CYP7B1: variants seen among roughly 807,000 people sequenced by gnomAD.
CYP7B1 encodes cytochrome P450 family 7 subfamily B member 1.
In CYP7B1, 29 loss-of-function variants were observed where a neutral mutation model predicts 42.7. The observed-to-expected ratio is 0.68, with a 90% CI of 0.51 to 0.93. CYP7B1 has a LOEUF of 0.93. CYP7B1 is among the 40% of genes least tolerant of loss of function. The pLI, the probability that CYP7B1 is intolerant of heterozygous loss-of-function variation, is 0.00. For synonymous variants in CYP7B1, 235 were observed against 218.2 expected (o/e 1.08, Z -0.68); for missense variants, 655 against 600.5 (o/e 1.09, Z -0.95).
In CYP7B1 at chr8:64,725,884, C is replaced by T. The variant is rs567438895; in HGVS notation, c.122+72582G>A. Among the ~76,000 whole-genome samples, 177 of 152,270 alleles carry T rather than the reference C, an allele frequency of 1.2e-3. 1 individual carries two copies. The highest frequency in any genetic ancestry group is 1.5e-3 in the Non-Finnish European group (101 of 68,008). On this transcript the variant is annotated intron_variant, in intron 1 of 5. Coordinates refer to ENST00000310193, the MANE Select transcript of CYP7B1 (RefSeq NM_004820.5). ...TCATGCCCTGACCTCACTCATTGGT[C>T]CACCAAAAGCCCACCCTTCTCAGTG...
chr8:64,638,891 G>T (rs1385534155), intron 1 of CYP7B1, among the ~76,000 whole-genome samples: 3 of 151,820 alleles, frequency 2.0e-5, no homozygotes, highest in Admixed American at 6.6e-5. Flanking sequence ...TTGGGACCTA[G>T]AAAAAGTGAT....
chr8:64,736,390 A>G (rs1807488132), intron 1 of CYP7B1, among the ~76,000 whole-genome samples: 1 of 152,226 alleles, frequency 6.6e-6, no homozygotes, highest in South Asian at 2.1e-4. Context: ...GAAACAAAAA[A>G]TGCAAGAAAA....
Position 64,597,447 on chromosome 8 carries a change from G to A in CYP7B1, c.1234-518C>T, listed in dbSNP as rs1262585204. 2.0e-5 allele frequency among the ~76,000 whole-genome samples: 3 copies of A among 152,146 alleles called. 1 individual carries two copies. The highest frequency in any genetic ancestry group is 4.4e-5 in the Non-Finnish European group (3 of 68,022). ...GTTTAGGATCCGGTGCTGATGTTTGGATTAAACAAATATAAAATCGTAAGA... is the reference window on the plus strand; with the variant it reads ...GTTTAGGATCCGGTGCTGATGTTTGAATTAAACAAATATAAAATCGTAAGA... On this transcript the variant is annotated intron_variant, in intron 5 of 5. Coordinates refer to ENST00000310193, the MANE Select transcript of CYP7B1 (RefSeq NM_004820.5).
At chr8:64,659,132 A>G (rs1738003951) in intron 1 of CYP7B1, among the ~76,000 whole-genome samples, 1 of 152,228 alleles carries the variant, frequency 6.6e-6, no homozygotes, top group Non-Finnish European at 1.5e-5. Flanking sequence ...GTAATATACT[A>G]TAGTAACTGA....
Position 64,595,365 on chromosome 8 carries a change from G to C in CYP7B1, c.*1277C>G, listed in dbSNP as rs13278548. ...GTTTCCTTTTCTCAAAACAGTAGCA[G>C]ATTTCTGAAATATTAGAAGTTCCAA... is the stretch of plus-strand genomic sequence containing the variant. On this transcript the variant is annotated 3_prime_UTR_variant, in exon 6 of 6. Coordinates refer to ENST00000310193, the MANE Select transcript of CYP7B1 (RefSeq NM_004820.5). 2.0e-4 allele frequency among the ~76,000 whole-genome samples: 30 copies of C among 152,362 alleles called. No homozygotes were observed. Among genetic ancestry groups the C allele is most frequent in the Non-Finnish European group, 3.8e-4 (26 of 68,038 alleles).
chr8:64,588,047 A>G (rs2129629531), downstream of CYP7B1, among the ~76,000 whole-genome samples: 1 of 152,326 alleles, frequency 6.6e-6, no homozygotes, highest in African/African-American at 2.4e-5. Flanking sequence ...TGATTCAGAG[A>G]TGCAATAAAA....
intron 5 of CYP7B1, among the ~76,000 whole-genome samples, chr8:64,602,161 G>C (rs566226259): frequency 6.6e-6 from 1 of 152,272 alleles, no homozygotes; most frequent in Non-Finnish European, 1.5e-5. Flanking sequence ...ACAGCATATG[G>C]GAGCAAGGAC....
At chr8:64,692,862 A>G (rs909766693) in intron 1 of CYP7B1, among the ~76,000 whole-genome samples, 1 of 152,226 alleles carries the variant, frequency 6.6e-6, no homozygotes, top group Non-Finnish European at 1.5e-5. Context: ...ACTGTTCTCG[A>G]GCCACATGTA....
chr8:64,738,004 G>C, intron 1 of CYP7B1, among the ~76,000 whole-genome samples: 1 of 152,116 alleles, frequency 6.6e-6, no homozygotes. Context: ...GTCTGTCTGT[G>C]CAAATGTATG....
intron 1 of CYP7B1, among the ~76,000 whole-genome samples, chr8:64,675,958 A>C (rs1806439970): frequency 6.6e-6 from 1 of 152,156 alleles, no homozygotes; most frequent in Non-Finnish European, 1.5e-5. Context: ...CACTCAGCAC[A>C]AACTCAGAGC....
chr8:64,601,797 A>C (rs1805208783), intron 5 of CYP7B1, among the ~76,000 whole-genome samples: 1 of 152,182 alleles, frequency 6.6e-6, no homozygotes, highest in Admixed American at 6.5e-5. Flanking sequence ...GACTTCACCA[A>C]ACTAGGTCTA....
chr8:64,640,810 T>A lies in CYP7B1; in HGVS notation c.123-16271A>T, dbSNP rs562107311. On this transcript the variant is annotated intron_variant, in intron 1 of 5. Transcript: ENST00000310193. ...AAAGAAAATTAGGTAAATGTCATGGTTACGGGAATTCTGACTTTCTGAAAT... is the reference window on the plus strand; with the variant it reads ...AAAGAAAATTAGGTAAATGTCATGGATACGGGAATTCTGACTTTCTGAAAT... Among the ~76,000 whole-genome samples the A allele has an allele frequency of 6.6e-5, 10 of 152,268 alleles. 1 individual carries two copies. The highest frequency in any genetic ancestry group is 2.4e-4 in the African/African-American group (10 of 41,568).
rs994667004 is a variant in CYP7B1 at position 64,594,445 on chromosome 8, C to T, written c.*2197G>A. On this transcript the variant is annotated 3_prime_UTR_variant, in exon 6 of 6. Transcript: ENST00000310193. Reference sequence around the variant, plus strand: ...GAATATAACTTACAGAAAATAGGTACTCAAGATAATATATGTTACATGAAA... The same window carrying T: ...GAATATAACTTACAGAAAATAGGTATTCAAGATAATATATGTTACATGAAA... 1.3e-5 allele frequency among the ~76,000 whole-genome samples: 2 copies of T among 152,002 alleles called. No homozygotes were observed. The highest frequency in any genetic ancestry group is 2.9e-5 in the Non-Finnish European group (2 of 67,996).
chr8:64,669,977 T>C (rs917154212), intron 1 of CYP7B1, among the ~76,000 whole-genome samples: 2 of 152,222 alleles, frequency 1.3e-5, no homozygotes, highest in African/African-American at 4.8e-5. Context: ...GTTTCACAAG[T>C]TAGAATTAAA....
chr8:64,597,865 C>T (rs1221023154), intron 5 of CYP7B1, among the ~76,000 whole-genome samples: 1 of 151,902 alleles, frequency 6.6e-6, no homozygotes, highest in African/African-American at 2.4e-5. Flanking sequence ...TAACATTAGA[C>T]CTGCTCACAC....
chr8:64,599,345 C>T (rs1309086480), intron 5 of CYP7B1, among the ~76,000 whole-genome samples: 4 of 152,070 alleles, frequency 2.6e-5, no homozygotes, highest in African/African-American at 7.2e-5. Flanking sequence ...CCCACCACCA[C>T]GCCCGGCTAA....
At chr8:64,687,500 A>G (rs972563966) in intron 1 of CYP7B1, among the ~76,000 whole-genome samples, 1 of 152,166 alleles carries the variant, frequency 6.6e-6, no homozygotes, top group African/African-American at 2.4e-5. Context: ...TCTAAAAAAA[A>G]CCTGATGAAT....
intron 1 of CYP7B1, among the ~76,000 whole-genome samples, chr8:64,764,229 G>GCCCCCCCCCCCCCCCCCCCCCCC (rs59605103): frequency 2.4e-4 from 30 of 125,182 alleles, no homozygotes; most frequent in South Asian, 5.6e-4. Flanking sequence ...CTTCCACGCT[G>GCCCCCCCCCCCCCCCCCCCCCCC]CCCCCCCCAC....
chr8:64,774,458 T>A (rs1804287771), intron 1 of CYP7B1, among the ~76,000 whole-genome samples: 1 of 152,154 alleles, frequency 6.6e-6, no homozygotes, highest in South Asian at 2.1e-4. Context: ...AAAAGTCATG[T>A]CAATAGGAAC....
Sources: allele counts gnomAD v4.1 joint callset (sites outside exome capture counted in the v4.1 genomes callset), GRCh38; gene constraint gnomAD v4.1.1; transcripts MANE v1.5; gene names NCBI Gene and HGNC (gene_info 2026-07-23, HGNC 2026-07-21).